Variants in CSNK1G1 observed in about 807,000 individuals in gnomAD.
CSNK1G1 encodes casein kinase I isoform gamma-1.
Under a neutral mutation model 59.6 loss-of-function variants are expected in CSNK1G1, and 22 were observed. The ratio of observed to expected loss-of-function variants is 0.37; its 90% CI spans 0.26 to 0.53. The LOEUF (loss-of-function observed/expected upper bound fraction) is 0.53, where lower values mean the gene tolerates loss of function less well. CSNK1G1 is among the 20% of genes least tolerant of loss of function. CSNK1G1 has a pLI of 0.89. For synonymous variants in CSNK1G1, 179 were observed against 177.1 expected, an observed-to-expected ratio of 1.01 and a Z score of -0.08; for missense variants, 384 against 519.5, an observed-to-expected ratio of 0.74 and a Z score of 2.54.
chr15:64,250,773 A>G (rs1892034484), intron 4 of CSNK1G1, among the ~76,000 whole-genome samples: 1 of 152,054 alleles, frequency 6.6e-6, no homozygotes, highest in Non-Finnish European at 1.5e-5. Flanking sequence ...AAAGAAAAAA[A>G]AAATAGAAAC....
At chr15:64,230,768 T>C (rs991255144) in intron 4 of CSNK1G1, among the ~76,000 whole-genome samples, 1 of 151,910 alleles carries the variant, frequency 6.6e-6, no homozygotes, top group Non-Finnish European at 1.5e-5. Context: ...GTCAGAAGAT[T>C]GAGACCATCC....
At chr15:64,229,011 T>A (rs2082501958) in intron 4 of CSNK1G1, among the ~76,000 whole-genome samples, 1 of 126,210 alleles carries the variant, frequency 7.9e-6, no homozygotes, top group African/African-American at 3.6e-5. Context: ...AGAGTGAGAC[T>A]CTGTCTCAAA....
intron 2 of CSNK1G1, among the ~76,000 whole-genome samples, chr15:64,277,626 TATATTA>T (rs1192572805): frequency 1.5e-4 from 21 of 138,170 alleles, no homozygotes; most frequent in African/African-American, 5.0e-4. Context: ...GTATATTTAA[TATATTA>T]ATATTAATAT....
intron 1 of CSNK1G1, among the ~76,000 whole-genome samples, chr15:64,320,416 C>G (rs147830177): frequency 6.6e-6 from 1 of 151,950 alleles, no homozygotes; most frequent in Non-Finnish European, 1.5e-5. Context: ...CAGTGGCTCA[C>G]GCCTGTAATC....
At chr15:64,178,906 A>G (rs1020180264) in intron 11 of CSNK1G1, among the ~76,000 whole-genome samples, 2 of 151,764 alleles carry the variant, frequency 1.3e-5, no homozygotes, top group Non-Finnish European at 2.9e-5. Context: ...GCATACCACC[A>G]TGCCCAGCTA....
At chr15:64,281,205 A>G (rs1333932283) in intron 2 of CSNK1G1, among the ~76,000 whole-genome samples, 3 of 152,182 alleles carry the variant, frequency 2.0e-5, no homozygotes, top group African/African-American at 7.2e-5. Flanking sequence ...GATACATACT[A>G]TTATCCTTGA....
intron 2 of CSNK1G1, among the ~76,000 whole-genome samples, chr15:64,285,044 A>G (rs1894336037): frequency 6.6e-6 from 1 of 152,130 alleles, no homozygotes; most frequent in African/African-American, 2.4e-5. Context: ...TGCAATCTAT[A>G]CAAAATAAAA....
rs1043734036 is a variant in CSNK1G1 at position 64,169,737 on chromosome 15, A to G, written c.*2194T>C. 7 of 152,232 alleles carry G rather than the reference A, an allele frequency of 4.6e-5. No homozygotes were observed. Among genetic ancestry groups the G allele is most frequent in the African/African-American group, 1.4e-4 (6 of 41,458 alleles). The allele number at this position is 152,232 out of a possible 1,614,324, so 9.4% of individuals were successfully genotyped here. The stretch of plus-strand genomic sequence containing the variant: ...TTGTGGGGAAGGGGTGTGATATTGT[A>G]TCTCCCTGCCACTTTATGTTTCATA... On this transcript the variant is annotated 3_prime_UTR_variant, in exon 12 of 12. Coordinates refer to ENST00000303052, the MANE Select transcript of CSNK1G1 (RefSeq NM_022048.5).
Position 64,279,034 on chromosome 15 carries a change from A to C in CSNK1G1, c.182-19793T>G, listed in dbSNP as rs141202653. On this transcript the variant is annotated intron_variant, in intron 2 of 11. Transcript: ENST00000303052. ...CCTAAGTGGTATGAAGATCACTGACATACACTGTTAACATCAAAAAACAAA... is the reference window on the plus strand; with the variant it reads ...CCTAAGTGGTATGAAGATCACTGACCTACACTGTTAACATCAAAAAACAAA... 3.2e-3 allele frequency among the ~76,000 whole-genome samples: 487 copies of C among 152,342 alleles called. 3 individuals are homozygous for C. The highest frequency in any genetic ancestry group is 3.9e-3 in the Non-Finnish European group (262 of 68,028).
At chr15:64,204,800 C>T (rs1200668737) in intron 8 of CSNK1G1, 65 bp downstream of exon 8, 3 of 1,199,932 alleles carry the variant, frequency 2.5e-6, no homozygotes, top group Non-Finnish European at 3.7e-6. Flanking sequence ...TCTAGAGATA[C>T]CCAGTCATGG....
At chr15:64,254,071 T>C (rs767702687) in intron 3 of CSNK1G1, among the ~76,000 whole-genome samples, 42 of 152,020 alleles carry the variant, frequency 2.8e-4, no homozygotes, top group Non-Finnish European at 5.7e-4. Flanking sequence ...ACCCGGCAGG[T>C]GGATACTGCA....
At chr15:64,270,147 A>G (rs1167072651) in intron 2 of CSNK1G1, among the ~76,000 whole-genome samples, 3 of 152,100 alleles carry the variant, frequency 2.0e-5, no homozygotes, top group Non-Finnish European at 1.5e-5. Flanking sequence ...CAGTGGTAAC[A>G]TCCCCTTCAT....
chr15:64,314,541 C>A (rs1896165874), intron 1 of CSNK1G1, among the ~76,000 whole-genome samples: 1 of 145,974 alleles, frequency 6.9e-6, no homozygotes, highest in African/African-American at 2.6e-5. Context: ...CAAAAACTAT[C>A]TTCACCACAC....
intron 1 of CSNK1G1, among the ~76,000 whole-genome samples, chr15:64,352,492 G>A (rs1271843056): frequency 1.0e-5 from 1 of 99,378 alleles, no homozygotes; most frequent in Non-Finnish European, 1.9e-5. Context: ...TCTTGCCCAG[G>A]CTGGAGTGAA....
chr15:64,327,075 A>C (rs1196182389), intron 1 of CSNK1G1, among the ~76,000 whole-genome samples: 5 of 151,682 alleles, frequency 3.3e-5, no homozygotes, highest in Admixed American at 2.6e-4. Context: ...ATCAAACTGC[A>C]AGGAGGCAGC....
At chr15:64,181,569 G>A in intron 10 of CSNK1G1, 3 of 831,064 alleles carry the variant, frequency 3.6e-6, no homozygotes, top group Non-Finnish European at 5.4e-6. Flanking sequence ...AGACTGTCTA[G>A]TATAATACCT....
At chr15:64,310,411 CTG>C (rs1169865888) in intron 1 of CSNK1G1, among the ~76,000 whole-genome samples, 2 of 151,198 alleles carry the variant, frequency 1.3e-5, no homozygotes, top group African/African-American at 2.4e-5. Flanking sequence ...ATTTAAATAA[CTG>C]TTTAAAAAAA....
At chr15:64,242,431 T>C (rs1891523932) in intron 4 of CSNK1G1, among the ~76,000 whole-genome samples, 1 of 152,144 alleles carries the variant, frequency 6.6e-6, no homozygotes, top group Non-Finnish European at 1.5e-5. Context: ...CTTCCTACTT[T>C]TGTATTGTGA....
rs186420045 is a variant in CSNK1G1, at chr15:64,206,307, G to A, written c.765+1202C>T. 1.6e-3 allele frequency among the ~76,000 whole-genome samples: 246 copies of A among 152,256 alleles called. 2 individuals are homozygous for A. The highest frequency in any genetic ancestry group is 5.7e-3 in the African/African-American group (237 of 41,556). The stretch of plus-strand genomic sequence containing the variant: ...ATACAAAAATTAGCCGGGTGTGGTG[G>A]CGTGTGCCTGTAGTCCCAGCTACTC... On this transcript the variant is annotated intron_variant, in intron 7 of 11. Coordinates refer to ENST00000303052, the MANE Select transcript of CSNK1G1 (RefSeq NM_022048.5).
Sources: gnomAD v4.1 joint callset for allele counts (sites outside exome capture counted in the v4.1 genomes callset) on GRCh38, gnomAD v4.1.1 for gene constraint, MANE v1.5 for transcripts, NCBI Gene and HGNC (gene_info 2026-07-23, HGNC 2026-07-21) for gene names.